SCFD1: variants seen among roughly 807,000 people sequenced by gnomAD.
SCFD1 encodes the protein sec1 family domain-containing protein 1.
Under a neutral mutation model 103.2 loss-of-function variants are expected in SCFD1, and 37 were observed. The ratio of observed to expected loss-of-function variants is 0.36; its 90% CI spans 0.28 to 0.47. SCFD1 has a LOEUF of 0.47. Among genes scored for constraint, SCFD1 ranks in the 20% least tolerant of loss-of-function variants. SCFD1 has a pLI of 1.00. For synonymous variants in SCFD1, 264 were observed against 245.0 expected, an observed-to-expected ratio of 1.08 and a Z score of -0.73; for missense variants, 639 against 761.2, an observed-to-expected ratio of 0.84 and a Z score of 1.89.
chr14:30,717,326 A>C (rs1442291913), intron 20 of SCFD1, among the ~76,000 whole-genome samples: 1 of 151,874 alleles, frequency 6.6e-6, no homozygotes, highest in African/African-American at 2.4e-5. Flanking sequence ...AAATACAAAA[A>C]ATTAGCCTGG....
At position 30,644,016 on chromosome 14, in the gene SCFD1, C is replaced by T. The variant is rs1199908925; in HGVS notation, c.613+611C>T. 8.8e-6 allele frequency: 4 copies of T among 456,390 alleles called. No individual in the cohort carries two copies. The East Asian group carries it at 2.1e-4, about 24-fold the overall frequency. 28.3% of individuals were successfully genotyped at this position (456,390 alleles called of 1,614,324 possible). A position where few individuals can be genotyped will look rare whatever the true frequency, so the allele number is the denominator to read the frequency against. ...TTTTTTGACCCTCATCCTCTATGCT[C>T]AGGTAGACCCCAATATCTATTATTC... On this transcript the variant is annotated intron_variant, in intron 7 of 24. Coordinates refer to ENST00000458591, the MANE Select transcript of SCFD1 (RefSeq NM_016106.4).
intron 10 of SCFD1, among the ~76,000 whole-genome samples, chr14:30,667,228 C>G (rs1201328076): frequency 6.6e-6 from 1 of 152,146 alleles, no homozygotes; most frequent in Non-Finnish European, 1.5e-5. Context: ...GGCTTCATCC[C>G]TGGGATGCAA....
At chr14:30,677,344 G>T (rs888886964) in intron 14 of SCFD1, among the ~76,000 whole-genome samples, 2 of 151,802 alleles carry the variant, frequency 1.3e-5, no homozygotes, top group African/African-American at 2.4e-5. Flanking sequence ...AGATATTATT[G>T]AATCATTATC....
intron 14 of SCFD1, among the ~76,000 whole-genome samples, chr14:30,692,838 A>C (rs1472140845): frequency 6.6e-6 from 1 of 152,114 alleles, no homozygotes; most frequent in Non-Finnish European, 1.5e-5. Context: ...TAGTATCATC[A>C]TTGTCATTCC....
At chr14:30,704,555 A>T (rs1216752693) in intron 17 of SCFD1, among the ~76,000 whole-genome samples, 1 of 152,170 alleles carries the variant, frequency 6.6e-6, no homozygotes, top group Non-Finnish European at 1.5e-5. Context: ...AGAAATTCTA[A>T]TCCACTGCTG....
intron 2 of SCFD1, 81 bp downstream of exon 2, chr14:30,628,360 A>G: frequency 1.2e-6 from 1 of 839,710 alleles, no homozygotes; most frequent in Non-Finnish European, 2.0e-6. Context: ...TTATTGTAAT[A>G]TGGAAGAAGT....
chr14:30,657,539 TC>T (rs1269223528), intron 10 of SCFD1, among the ~76,000 whole-genome samples: 1 of 152,230 alleles, frequency 6.6e-6, no homozygotes, highest in Non-Finnish European at 1.5e-5. Flanking sequence ...TTTTGTTTAA[TC>T]TTCACATAAA....
chr14:30,713,414 C>T (rs1020339326), intron 19 of SCFD1, among the ~76,000 whole-genome samples: 20 of 144,590 alleles, frequency 1.4e-4, no homozygotes, highest in East Asian at 9.6e-4. Context: ...CAAAAACATA[C>T]GAAAGAGTTG....
At chr14:30,721,783 A>C (rs1892666156) in intron 21 of SCFD1, 101 bp from the exon 22 acceptor site, 1 of 984,906 alleles carries the variant, frequency 1.0e-6, no homozygotes, top group East Asian at 2.6e-5. Context: ...TAGAATTGTA[A>C]ATACTTACCT....
chr14:30,725,728 A>G (rs1358209524), intron 23 of SCFD1, among the ~76,000 whole-genome samples: 2 of 152,138 alleles, frequency 1.3e-5, no homozygotes, highest in Non-Finnish European at 2.9e-5. Flanking sequence ...TATGTTGAAT[A>G]GCAGTGGTCA....
chr14:30,650,642 C>A lies in SCFD1; in HGVS notation c.747C>A (p.Gly249=). 6.4e-7 allele frequency: 1 copy of A among 1,574,554 alleles called. No homozygotes were observed. Among genetic ancestry groups the A allele is most frequent in the Non-Finnish European group, 8.7e-7 (1 of 1,145,356 alleles). The change falls in exon 9 of 25, where the codon GGC becomes GGA. Residue 249 remains glycine (G), a synonymous_variant. Coordinates refer to ENST00000458591, the MANE Select transcript of SCFD1 (RefSeq NM_016106.4). The part of the protein sequence containing the change: ...SLFTGDTLGA[G]QFSFQRPLLV... ...TTACAGGTGATACACTTGGAGCTGG[C>A]CAATTCAGGTATTACTGTTATTAAA...
chr14:30,635,088 T>C, intron 4 of SCFD1: 1 of 391,676 alleles, frequency 2.6e-6, no homozygotes, highest in African/African-American at 2.1e-5. Context: ...GACTGTTGAA[T>C]CAAATTGCTA....
At chr14:30,674,954 G>T in intron 13 of SCFD1, 30 bp from the exon 14 acceptor site, 1 of 1,356,414 alleles carries the variant, frequency 7.4e-7, no homozygotes, top group Non-Finnish European at 1.0e-6. Context: ...AAAATTTATT[G>T]GTTAATATTT....
At chr14:30,665,409 G>A (rs987605339) in intron 10 of SCFD1, among the ~76,000 whole-genome samples, 17 of 152,212 alleles carry the variant, frequency 1.1e-4, no homozygotes, top group Admixed American at 2.0e-4. Flanking sequence ...ACATGGAAAG[G>A]AACAACCAGT....
intron 21 of SCFD1, among the ~76,000 whole-genome samples, chr14:30,720,603 C>T (rs898726207): frequency 6.6e-6 from 1 of 152,052 alleles, no homozygotes; most frequent in Non-Finnish European, 1.5e-5. Context: ...AGCATGTACA[C>T]ACTATTTTTT....
At chr14:30,671,076 A>T (rs1293597551) in intron 11 of SCFD1, among the ~76,000 whole-genome samples, 1 of 152,170 alleles carries the variant, frequency 6.6e-6, no homozygotes, top group East Asian at 1.9e-4. Context: ...TATGATTTTT[A>T]AAAAATATTT....
intron 10 of SCFD1, among the ~76,000 whole-genome samples, chr14:30,663,634 A>G (rs1006189640): frequency 2.0e-5 from 3 of 152,104 alleles, no homozygotes; most frequent in Non-Finnish European, 4.4e-5. Context: ...TAAATTGCCT[A>G]TTTTTCACCT....
chr14:30,643,281 G>A (rs1566588565), intron 6 of SCFD1, 35 bp from the exon 7 acceptor site: 12 of 1,307,290 alleles, frequency 9.2e-6, no homozygotes, highest in Non-Finnish European at 1.3e-5. Flanking sequence ...CATAAGTTTG[G>A]GTCAACTTTT....
chr14:30,673,262 T>G lies in SCFD1; in HGVS notation c.1001T>G (p.Phe334Cys). 6.3e-7 allele frequency: 1 copy of G among 1,582,728 alleles called. No homozygotes were observed. Among genetic ancestry groups the G allele is most frequent in the Non-Finnish European group, 8.6e-7 (1 of 1,159,588 alleles). Residue 334 changes from phenylalanine to cysteine, a missense_variant, in exon 12 of 25, where the codon TTC becomes TGC. Transcript: ENST00000458591. The stretch of plus-strand genomic sequence containing the variant: ...CTTGTGCAATACTGTTTTAGTCCAT[T>G]CCCAGAAGTTGCAGAATCAGTTCAG... ...KFWQKHKGSP[F>C]PEVAESVQQE...
Sources: allele counts gnomAD v4.1 joint callset (sites outside exome capture counted in the v4.1 genomes callset), GRCh38; gene constraint gnomAD v4.1.1; transcripts MANE v1.5; gene names NCBI Gene and HGNC (gene_info 2026-07-23, HGNC 2026-07-21).